Variants in LPP observed in about 807,000 individuals in gnomAD.
LPP encodes the protein LIM domain containing preferred translocation partner in lipoma, also known as lipoma-preferred partner.
Under a neutral mutation model 60.4 loss-of-function variants are expected in LPP, and 38 were observed. The ratio of observed to expected loss-of-function variants is 0.63; its 90% CI spans 0.49 to 0.83. The LOEUF (loss-of-function observed/expected upper bound fraction) is 0.83. Ranked by LOEUF, LPP falls within the 40% of genes least tolerant of loss-of-function variation. The pLI is 0.00. For synonymous variants in LPP, 328 were observed against 290.8 expected, an observed-to-expected ratio of 1.13 and a Z score of -1.30; for missense variants, 902 against 783.6, an observed-to-expected ratio of 1.15 and a Z score of -1.80.
chr3:188,339,716 C>G (rs1762551434), intron 2 of LPP, among the ~76,000 whole-genome samples: 1 of 152,166 alleles, frequency 6.6e-6, no homozygotes, highest in African/African-American at 2.4e-5. Flanking sequence ...TCACCCTTGA[C>G]TCATGGGGTT....
intron 7 of LPP, among the ~76,000 whole-genome samples, chr3:188,638,730 C>G (rs1421796941): frequency 7.0e-6 from 1 of 143,116 alleles, no homozygotes. Flanking sequence ...AACAGACAAA[C>G]AGAGAGCCAA....
intron 8 of LPP, among the ~76,000 whole-genome samples, chr3:188,739,363 C>T (rs191916486): frequency 1.6e-3 from 238 of 152,048 alleles, no homozygotes; most frequent in African/African-American, 5.5e-3. Flanking sequence ...TTGAAATGGG[C>T]CTTGGATAAT....
chr3:188,642,410 A>G (rs1304309874), intron 7 of LPP, among the ~76,000 whole-genome samples: 2 of 152,228 alleles, frequency 1.3e-5, no homozygotes, highest in Admixed American at 1.3e-4. Context: ...AACGTTTAGT[A>G]GTCAACAACT....
intron 9 of LPP, among the ~76,000 whole-genome samples, chr3:188,809,487 G>T (rs919694275): frequency 6.6e-6 from 1 of 152,112 alleles, no homozygotes; most frequent in African/African-American, 2.4e-5. Context: ...CTTCTTTTGA[G>T]AAGTGTCTGT....
chr3:188,217,045 A>G lies in LPP; in HGVS notation c.-189-8360A>G, dbSNP rs1333043369. On this transcript the variant is annotated intron_variant, in intron 1 of 11. Coordinates refer to ENST00000617246, the MANE Select transcript of LPP (RefSeq NM_001375462.1). The surrounding 1 kb of genome is among the most constrained non-coding windows in gnomAD (Gnocchi z 4.0). Reference sequence around the variant, plus strand: ...TTAGAGCAAAGAGTAAGACACACACAACAACGATCTCTTGGTGCTTACACG... The same window carrying G: ...TTAGAGCAAAGAGTAAGACACACACGACAACGATCTCTTGGTGCTTACACG... 6.6e-6 allele frequency among the ~76,000 whole-genome samples: 1 copy of G among 152,212 alleles called. No homozygotes were observed. Among genetic ancestry groups the G allele is most frequent in the African/African-American group, 2.4e-5 (1 of 41,440 alleles).
At chr3:188,616,545 C>T (rs1369544503) in intron 7 of LPP, among the ~76,000 whole-genome samples, 1 of 151,596 alleles carries the variant, frequency 6.6e-6, no homozygotes, top group Non-Finnish European at 1.5e-5. Context: ...GTTCTTTTTG[C>T]TTGGGATTGC....
In LPP at chr3:188,397,416, T is replaced by C. The variant is rs529905070; in HGVS notation, c.-9-8696T>C. ...GGCTATTGTCAACCATGTCTTTTTT[T>C]CCTTGACTGATAGAAACTGTGGCAA... On this transcript the variant is annotated intron_variant, in intron 3 of 11. Coordinates refer to ENST00000617246, the MANE Select transcript of LPP (RefSeq NM_001375462.1). 3.9e-5 allele frequency among the ~76,000 whole-genome samples: 6 copies of C among 152,306 alleles called. No individual in the cohort carries two copies. In the South Asian group the frequency reaches 1.2e-3, roughly 32 times the overall value.
At chr3:188,695,882 A>G (rs1041269248) in intron 7 of LPP, among the ~76,000 whole-genome samples, 7 of 152,220 alleles carry the variant, frequency 4.6e-5, no homozygotes, top group Non-Finnish European at 8.8e-5. Flanking sequence ...TTCTAAATGA[A>G]TATATAGAGA....
chr3:188,454,439 G>A (rs907421782), intron 4 of LPP, among the ~76,000 whole-genome samples: 8 of 152,092 alleles, frequency 5.3e-5, no homozygotes, highest in South Asian at 2.1e-4. Flanking sequence ...TTAAATTTAC[G>A]ATTTGAGATA....
intron 2 of LPP, among the ~76,000 whole-genome samples, chr3:188,338,059 T>C (rs1296756376): frequency 1.3e-5 from 2 of 152,228 alleles, no homozygotes; most frequent in African/African-American, 4.8e-5. Context: ...GCATTACCTT[T>C]AGGCCAAAGC....
intron 2 of LPP, among the ~76,000 whole-genome samples, chr3:188,332,091 C>G (rs377752359): frequency 1.3e-5 from 2 of 152,120 alleles, no homozygotes; most frequent in East Asian, 3.9e-4. Context: ...CTTTTCTTCT[C>G]TCTTTAAATT....
chr3:188,471,307 G>C (rs1801778642), intron 4 of LPP, among the ~76,000 whole-genome samples: 1 of 152,138 alleles, frequency 6.6e-6, no homozygotes, highest in South Asian at 2.1e-4. Flanking sequence ...AGAGAGCCAT[G>C]ATATTTTTAA....
chr3:188,660,902 G>A (rs912226284), intron 7 of LPP, among the ~76,000 whole-genome samples: 2 of 152,270 alleles, frequency 1.3e-5, no homozygotes, highest in Middle Eastern at 3.4e-3. Context: ...TGTTGTACAT[G>A]TTGTGGGCTT....
chr3:188,376,165 A>G (rs537498473), intron 3 of LPP, among the ~76,000 whole-genome samples: 5 of 152,246 alleles, frequency 3.3e-5, no homozygotes, highest in African/African-American at 9.6e-5. Context: ...GTGGTGCTGA[A>G]AAAAATGTGT....
At chr3:188,418,287 A>G (rs1378447121) in intron 4 of LPP, among the ~76,000 whole-genome samples, 2 of 152,178 alleles carry the variant, frequency 1.3e-5, no homozygotes, top group African/African-American at 4.8e-5. Flanking sequence ...ATGAATTATT[A>G]CAATTACTAA....
intron 2 of LPP, among the ~76,000 whole-genome samples, chr3:188,339,687 G>A (rs907859459): frequency 6.6e-5 from 10 of 152,050 alleles, no homozygotes; most frequent in South Asian, 2.1e-4. Flanking sequence ...CCCCATGATC[G>A]GATTACTTCT....
At chr3:188,782,286 C>T (rs537393540) in intron 9 of LPP, among the ~76,000 whole-genome samples, 93 of 152,254 alleles carry the variant, frequency 6.1e-4, no homozygotes, top group Middle Eastern at 3.4e-3. Flanking sequence ...CCATCCTTGC[C>T]ACTTGTCTCA....
At chr3:188,195,944 GC>G (rs1460857517) in intron 1 of LPP, among the ~76,000 whole-genome samples, 1 of 152,118 alleles carries the variant, frequency 6.6e-6, no homozygotes, top group East Asian at 1.9e-4. Flanking sequence ...TTACTCCTCT[GC>G]CTTTATATTT....
At chr3:188,734,190 T>A (rs1721677587) in intron 8 of LPP, among the ~76,000 whole-genome samples, 1 of 152,238 alleles carries the variant, frequency 6.6e-6, no homozygotes, top group South Asian at 2.1e-4. Context: ...TCTCCTTGAC[T>A]TTATCTGCAT....
Sources: gnomAD v4.1 joint callset for allele counts (sites outside exome capture counted in the v4.1 genomes callset) on GRCh38, gnomAD v4.1.1 for gene constraint, Gnocchi (gnomAD v3.1) non-coding constraint, MANE v1.5 for transcripts, NCBI Gene and HGNC (gene_info 2026-07-23, HGNC 2026-07-21) for gene names.